Variants in MKLN1 observed in about 807,000 individuals in gnomAD.
MKLN1 encodes the protein muskelin.
In MKLN1, 18 loss-of-function variants were observed where a neutral mutation model predicts 99.0. The observed-to-expected ratio is 0.18, with a 90% CI of 0.13 to 0.27. The LOEUF is 0.27. Among genes scored for constraint, MKLN1 ranks in the 10% least tolerant of loss-of-function variants. MKLN1 has a pLI of 1.00. For missense variants in MKLN1, 621 were observed against 875.9 expected (o/e 0.71, Z 3.67); for synonymous variants, 288 against 293.2 (o/e 0.98, Z 0.18).
intron 2 of MKLN1, among the ~76,000 whole-genome samples, chr7:131,196,262 G>A (rs1355883139): frequency 1.3e-5 from 2 of 152,156 alleles, no homozygotes; most frequent in African/African-American, 2.4e-5. Context: ...CAGGATGTCT[G>A]TGGAAATGTG....
chr7:131,309,245 G>C (rs1221520151), intron 3 of MKLN1, among the ~76,000 whole-genome samples: 1 of 148,286 alleles, frequency 6.7e-6, no homozygotes, highest in Non-Finnish European at 1.5e-5. Context: ...AATTTCTCTT[G>C]TCTTCTATTT....
intron 1 of MKLN1, among the ~76,000 whole-genome samples, chr7:131,350,174 A>T (rs1799678071): frequency 6.6e-6 from 1 of 151,908 alleles, no homozygotes; most frequent in Non-Finnish European, 1.5e-5. Flanking sequence ...TTCAGTATAC[A>T]TGAAGAAGAG....
chr7:131,337,881 C>A (rs187280293), intron 1 of MKLN1, among the ~76,000 whole-genome samples: 85 of 151,974 alleles, frequency 5.6e-4, no homozygotes, highest in Admixed American at 5.4e-3. Flanking sequence ...ATTTTAGATA[C>A]AAATTTTGTA....
At chr7:131,119,795 G>A (rs944590722) in intron 1 of MKLN1, among the ~76,000 whole-genome samples, 4 of 152,160 alleles carry the variant, frequency 2.6e-5, no homozygotes, top group Non-Finnish European at 5.9e-5. Context: ...GAGCTGGAGT[G>A]GCTGGGATGC....
intron 3 of MKLN1, among the ~76,000 whole-genome samples, chr7:131,277,767 T>C (rs1232241595): frequency 6.6e-6 from 1 of 152,200 alleles, no homozygotes; most frequent in Admixed American, 6.5e-5. Context: ...GTCTCTAGCA[T>C]TTAAATATTT....
intron 12 of MKLN1, among the ~76,000 whole-genome samples, chr7:131,447,019 A>T (rs1209297822): frequency 6.6e-6 from 1 of 152,208 alleles, no homozygotes; most frequent in Non-Finnish European, 1.5e-5. Context: ...AAGGATAGGG[A>T]CACAACAGGA....
intron 3 of MKLN1, among the ~76,000 whole-genome samples, chr7:131,291,999 C>G (rs1341699293): frequency 3.3e-5 from 5 of 151,878 alleles, no homozygotes; most frequent in African/African-American, 1.2e-4. Flanking sequence ...CCTAGCTATT[C>G]AGGGGGCCGA....
At chr7:131,450,492 C>T (rs978820354) in intron 12 of MKLN1, among the ~76,000 whole-genome samples, 1 of 152,130 alleles carries the variant, frequency 6.6e-6, no homozygotes, top group Non-Finnish European at 1.5e-5. Flanking sequence ...TCTCCCTGCC[C>T]TCAGGATTAA....
intron 1 of MKLN1, among the ~76,000 whole-genome samples, chr7:131,114,970 G>T (rs1795253129): frequency 6.6e-6 from 1 of 151,900 alleles, no homozygotes; most frequent in Admixed American, 6.6e-5. Context: ...AAGAAAAAGA[G>T]GACTGAAGTT....
chr7:131,367,486 T>G lies in MKLN1; in HGVS notation c.99-7938T>G, dbSNP rs542152895. Among the ~76,000 whole-genome samples the G allele has an allele frequency of 3.2e-4, 49 of 152,334 alleles. 1 individual carries two copies. The highest frequency in any genetic ancestry group is 3.4e-3 in the Middle Eastern group (1 of 294). ...AGTATAAATGAAAGTCATGGGTATC[T>G]AGAAGAGTGTTGTGGTCACAATCGC... is the stretch of plus-strand genomic sequence containing the variant. On this transcript the variant is annotated intron_variant, in intron 1 of 17. Transcript: ENST00000352689.
intron 2 of MKLN1, among the ~76,000 whole-genome samples, chr7:131,166,302 G>A (rs1311359754): frequency 6.6e-6 from 1 of 152,164 alleles, no homozygotes; most frequent in African/African-American, 2.4e-5. Context: ...TGCCGGGAAA[G>A]ATGCTGAGTT....
chr7:131,327,046 G>A (rs1563293404), upstream of MKLN1: 2 of 152,218 alleles, frequency 1.3e-5, no homozygotes, highest in Non-Finnish European at 2.9e-5. Context: ...GTAAGAAGCT[G>A]GTATGATGTC....
intron 2 of MKLN1, among the ~76,000 whole-genome samples, chr7:131,183,534 GT>G (rs1796404883): frequency 6.6e-6 from 1 of 152,054 alleles, no homozygotes; most frequent in African/African-American, 2.4e-5. Flanking sequence ...GAGAATGCAA[GT>G]TTTCGTAATA....
intron 2 of MKLN1, among the ~76,000 whole-genome samples, chr7:131,199,595 G>A (rs927306707): frequency 3.2e-4 from 49 of 152,284 alleles, no homozygotes; most frequent in Admixed American, 5.2e-4. Context: ...TATAGGTGAA[G>A]GTGGATGCTA....
At chr7:131,111,017 C>T (rs888528392) in intron 1 of MKLN1, among the ~76,000 whole-genome samples, 1 of 152,212 alleles carries the variant, frequency 6.6e-6, no homozygotes, top group South Asian at 2.1e-4. Flanking sequence ...ACAGGCTTGG[C>T]ACGTAGGAAC....
At chr7:131,278,735 G>A (rs1474110327) in intron 3 of MKLN1, among the ~76,000 whole-genome samples, 1 of 151,868 alleles carries the variant, frequency 6.6e-6, no homozygotes, top group Non-Finnish European at 1.5e-5. Flanking sequence ...TAGGACTACA[G>A]GCATGCACCA....
At chr7:131,329,456 T>A (rs775055305) in intron 1 of MKLN1, among the ~76,000 whole-genome samples, 26 of 152,250 alleles carry the variant, frequency 1.7e-4, no homozygotes, top group Non-Finnish European at 3.5e-4. Flanking sequence ...TGTGGCCCTA[T>A]GTACTTGACC....
intron 1 of MKLN1, among the ~76,000 whole-genome samples, chr7:131,350,234 T>A (rs1464902406): frequency 4.0e-5 from 6 of 151,816 alleles, no homozygotes; most frequent in African/African-American, 1.4e-4. Context: ...ATCTTTTTTT[T>A]TTTTTTGGTA....
At chr7:131,129,909 A>G (rs909670084) in intron 1 of MKLN1, among the ~76,000 whole-genome samples, 2 of 152,222 alleles carry the variant, frequency 1.3e-5, no homozygotes, top group African/African-American at 4.8e-5. Flanking sequence ...TTTCTCAGAA[A>G]AAAAGAAAGA....
Sources: allele counts gnomAD v4.1 joint callset (sites outside exome capture counted in the v4.1 genomes callset), GRCh38; gene constraint gnomAD v4.1.1; transcripts MANE v1.5; gene names NCBI Gene and HGNC (gene_info 2026-07-23, HGNC 2026-07-21).